PCDHA6: variants seen among roughly 807,000 people sequenced by gnomAD.
PCDHA6 encodes the protein protocadherin alpha 6, also known as protocadherin alpha-6.
Under a neutral mutation model 60.3 loss-of-function variants are expected in PCDHA6, and 55 were observed. The ratio of observed to expected loss-of-function variants is 0.91; its 90% CI spans 0.73 to 1.14. The LOEUF is 1.14. Ranked by LOEUF, PCDHA6 falls within the 50% of genes most tolerant of loss-of-function variation. The pLI, the probability that PCDHA6 is intolerant of heterozygous loss-of-function variation, is 0.00. For missense variants in PCDHA6, 1,327 were observed against 1,256.5 expected (o/e 1.06, Z -0.85); for synonymous variants, 652 against 557.9 (o/e 1.17, Z -2.38).
At chr5:140,976,148 C>T (rs1563445972) in intron 1 of PCDHA6, among the ~76,000 whole-genome samples, 1 of 152,160 alleles carries the variant, frequency 6.6e-6, no homozygotes, top group Non-Finnish European at 1.5e-5. Flanking sequence ...AACTCATGTA[C>T]ATTTTACTAC....
intron 1 of PCDHA6, among the ~76,000 whole-genome samples, chr5:140,905,904 C>T (rs2072197856): frequency 6.6e-6 from 1 of 152,160 alleles, no homozygotes; most frequent in African/African-American, 2.4e-5. Context: ...AGCTGAGGAG[C>T]AAGGAATCCA....
intron 1 of PCDHA6, chr5:140,856,666 G>C: frequency 1.3e-6 from 2 of 1,598,010 alleles, no homozygotes; most frequent in South Asian, 2.2e-5. Flanking sequence ...AAAATCCTCA[G>C]CTAAAGTTGT....
At chr5:140,843,158 C>T in intron 1 of PCDHA6, 1 of 1,596,142 alleles carries the variant, frequency 6.3e-7, no homozygotes, top group Non-Finnish European at 8.6e-7. Flanking sequence ...TGAGCTGCAG[C>T]CAGCTGCAAG....
intron 1 of PCDHA6, chr5:140,927,019 T>C: frequency 6.2e-7 from 1 of 1,612,660 alleles, no homozygotes; most frequent in Non-Finnish European, 8.5e-7. Flanking sequence ...CTCCGCGGAC[T>C]TGAGGCTGCC....
intron 1 of PCDHA6, among the ~76,000 whole-genome samples, chr5:140,921,231 T>C (rs1171159325): frequency 3.3e-5 from 5 of 152,122 alleles, no homozygotes; most frequent in African/African-American, 4.8e-5. Context: ...TGCTAGATGA[T>C]ATTAAGCCAC....
intron 1 of PCDHA6, among the ~76,000 whole-genome samples, chr5:140,941,215 C>CTT (rs782548958): frequency 1.2e-4 from 13 of 104,510 alleles, no homozygotes; most frequent in African/African-American, 4.4e-4. Flanking sequence ...TTCTTTCTTC[C>CTT]TTTCTTTCTT....
intron 1 of PCDHA6, chr5:140,967,103 C>T: frequency 6.2e-7 from 1 of 1,613,024 alleles, no homozygotes; most frequent in Non-Finnish European, 8.5e-7. Context: ...GCTGTGTGAG[C>T]AGCGGCCTCG....
At chr5:140,978,881 A>G in intron 1 of PCDHA6, 68 bp from the exon 2 acceptor site, 1 of 1,610,922 alleles carries the variant, frequency 6.2e-7, no homozygotes, top group Non-Finnish European at 8.5e-7. Flanking sequence ...TAACTAATCA[A>G]TTAGCAGCAT....
chr5:140,850,725 G>A, intron 1 of PCDHA6: 1 of 1,597,982 alleles, frequency 6.3e-7, no homozygotes. Context: ...GTGTTCTAGC[G>A]CGGTGGGGAG....
chr5:140,967,503 G>C (rs369053625), intron 1 of PCDHA6: 1 of 1,612,938 alleles, frequency 6.2e-7, no homozygotes, highest in Non-Finnish European at 8.5e-7. Context: ...ATCTCTGTGC[G>C]TGTCCTGGAC....
At chr5:140,917,370 C>T (rs571895312) in intron 1 of PCDHA6, among the ~76,000 whole-genome samples, 1 of 150,338 alleles carries the variant, frequency 6.7e-6, no homozygotes, top group Non-Finnish European at 1.5e-5. Context: ...CTATCTTGCT[C>T]CACCTCAATA....
intron 1 of PCDHA6, among the ~76,000 whole-genome samples, chr5:140,905,814 G>T (rs1303983123): frequency 6.6e-6 from 1 of 152,090 alleles, no homozygotes; most frequent in Non-Finnish European, 1.5e-5. Flanking sequence ...GAATTAATAG[G>T]CTAGATGTGT....
intron 1 of PCDHA6, among the ~76,000 whole-genome samples, chr5:140,948,191 C>A (rs2094221032): frequency 6.6e-6 from 1 of 151,562 alleles, no homozygotes; most frequent in African/African-American, 2.4e-5. Context: ...CCCACTTAGT[C>A]ATGATATATT....
intron 1 of PCDHA6, among the ~76,000 whole-genome samples, chr5:140,914,423 G>T (rs1293093692): frequency 3.3e-5 from 5 of 152,086 alleles, no homozygotes; most frequent in African/African-American, 1.2e-4. Context: ...CCATTAGCAA[G>T]GAATATCTTT....
In PCDHA6 at chr5:140,869,957, A is replaced by G. The variant is rs782483772; in HGVS notation, c.2394+39472A>G. The stretch of plus-strand genomic sequence containing the variant: ...GTAACATACTCCTTAATGTCAATTA[A>G]GCCCAATGGAAGACACTTATTTACA... On this transcript the variant is annotated intron_variant, in intron 1 of 3. Transcript: ENST00000529310. 4 of 1,613,040 alleles carry G rather than the reference A, an allele frequency of 2.5e-6. No homozygotes were observed. The South Asian group carries it at 4.4e-5, about 18-fold the overall frequency.
chr5:140,849,946 C>T (rs2041246534), intron 1 of PCDHA6: 5 of 1,597,770 alleles, frequency 3.1e-6, no homozygotes, highest in East Asian at 2.2e-5. Flanking sequence ...GACGCTGACG[C>T]GCAGGAGAAC....
intron 1 of PCDHA6, chr5:140,841,867 G>A (rs2150324495): frequency 2.5e-6 from 4 of 1,613,836 alleles, no homozygotes; most frequent in Non-Finnish European, 3.4e-6. Flanking sequence ...TGCTAGATGT[G>A]AATTCAAAGA....
At chr5:140,998,095 CA>C (rs1482651958) in intron 3 of PCDHA6, among the ~76,000 whole-genome samples, 1 of 152,106 alleles carries the variant, frequency 6.6e-6, no homozygotes, top group Non-Finnish European at 1.5e-5. Flanking sequence ...AATGCTAGAG[CA>C]AACAGAGGAG....
Position 140,870,886 on chromosome 5 carries a change from G to T in PCDHA6, c.2394+40401G>T, listed in dbSNP as rs17844350. On this transcript the variant is annotated intron_variant, in intron 1 of 3. Coordinates refer to ENST00000529310, the MANE Select transcript of PCDHA6 (RefSeq NM_018909.4). ...GGGCCACGTGGTGGCGAAGGTGCGC[G>T]CAGTGGATGCGGACTCAGGCTACAA... 4,395 of 1,613,944 alleles carry T rather than the reference G, an allele frequency of 2.7e-3. 116 individuals are homozygous for T. The East Asian group carries it at 0.058, about 21-fold the overall frequency.
Sources: allele counts gnomAD v4.1 joint callset (sites outside exome capture counted in the v4.1 genomes callset), GRCh38; gene constraint gnomAD v4.1.1; transcripts MANE v1.5; gene names NCBI Gene and HGNC (gene_info 2026-07-23, HGNC 2026-07-21).